Variants in BRIP1 observed in about 807,000 individuals in gnomAD.
The protein encoded by BRIP1 is Fanconi anemia group J protein.
A neutral mutation model predicts 119.7 loss-of-function variants in BRIP1; 88 were observed. That is an observed-to-expected ratio of 0.74 (90% CI 0.62 to 0.88). BRIP1 has a LOEUF of 0.88. Ranked by LOEUF, BRIP1 falls within the 40% of genes least tolerant of loss-of-function variation. The pLI is 0.00. For synonymous variants in BRIP1, 443 were observed against 496.5 expected, an observed-to-expected ratio of 0.89 and a Z score of 1.43; for missense variants, 1,259 against 1,455.4, an observed-to-expected ratio of 0.87 and a Z score of 2.20.
chr17:61,862,743 T>G lies in BRIP1; in HGVS notation c.-31+541A>C, dbSNP rs1345790728. Among the ~76,000 whole-genome samples the G allele has an allele frequency of 6.6e-6, 1 of 152,186 alleles. No homozygotes were observed. The highest frequency in any genetic ancestry group is 1.5e-5 in the Non-Finnish European group (1 of 68,018). ...GTGGGAAAAAATTGTAAATTCAACCTGGGGACGAAGAGATGGTTAAAATAG... is the reference window on the plus strand; with the variant it reads ...GTGGGAAAAAATTGTAAATTCAACCGGGGGACGAAGAGATGGTTAAAATAG... On this transcript the variant is annotated intron_variant, in intron 1 of 19. Coordinates refer to ENST00000259008, the MANE Select transcript of BRIP1 (RefSeq NM_032043.3). This position sits in a 1 kb window ranked among gnomAD's most constrained non-coding sequence, Gnocchi z 5.3.
rs2077900018 is a variant in BRIP1 at position 61,796,381 on chromosome 17, G to A, written c.1341-2652C>T. 6.6e-6 allele frequency among the ~76,000 whole-genome samples: 1 copy of A among 152,116 alleles called. No individual in the cohort carries two copies. ...AATGTTTTCTGGTAGTAGTTTCATA[G>A]TTTGAGGTTGTAGATTTAAGTCTTT... On this transcript the variant is annotated intron_variant, in intron 9 of 19. Transcript: ENST00000259008. The surrounding 1 kb of genome is among the most constrained non-coding windows in gnomAD (Gnocchi z 4.8).
chr17:61,802,190 C>T lies in BRIP1; in HGVS notation c.919-716G>A, dbSNP rs964654595. On this transcript the variant is annotated intron_variant, in intron 7 of 19. Coordinates refer to ENST00000259008, the MANE Select transcript of BRIP1 (RefSeq NM_032043.3). This position sits in a 1 kb window ranked among gnomAD's most constrained non-coding sequence, Gnocchi z 6.0. The stretch of plus-strand genomic sequence containing the variant: ...CCAATATTAAAATAACAAGAACAAG[C>T]AAGGCACGATGACAGGTGTGAGCAC... 1.3e-5 allele frequency among the ~76,000 whole-genome samples: 2 copies of T among 152,048 alleles called. No individual in the cohort carries two copies. Among genetic ancestry groups the T allele is most frequent in the Non-Finnish European group, 2.9e-5 (2 of 68,002 alleles).
rs539958166 is a variant in BRIP1, at chr17:61,825,217, G to A, written c.628-16460C>T. On this transcript the variant is annotated intron_variant, in intron 6 of 19. Coordinates refer to ENST00000259008, the MANE Select transcript of BRIP1 (RefSeq NM_032043.3). The surrounding 1 kb of genome is among the most constrained non-coding windows in gnomAD (Gnocchi z 4.1). ...GGAGAATGGCGTGAACCTGGGAGGCGGAGCTTGCAGTGACCCAAGATTGTG... is the reference window on the plus strand; with the variant it reads ...GGAGAATGGCGTGAACCTGGGAGGCAGAGCTTGCAGTGACCCAAGATTGTG... Among the ~76,000 whole-genome samples, 5 of 151,918 alleles carry A rather than the reference G, an allele frequency of 3.3e-5. No homozygotes were observed. The highest frequency in any genetic ancestry group is 9.7e-5 in the African/African-American group (4 of 41,400).
Position 61,862,863 on chromosome 17 carries a change from C to T in BRIP1, c.-31+421G>A, listed in dbSNP as rs1193501395. On this transcript the variant is annotated intron_variant, in intron 1 of 19. Coordinates refer to ENST00000259008, the MANE Select transcript of BRIP1 (RefSeq NM_032043.3). This position sits in a 1 kb window ranked among gnomAD's most constrained non-coding sequence, Gnocchi z 5.3. ...ATTCTAGGGTATTTTCCAGCTCTAA[C>T]ATTTTGCGATTCTATCTGTAAAGCT... Among the ~76,000 whole-genome samples, 1 of 152,114 alleles carries T rather than the reference C, an allele frequency of 6.6e-6. No homozygotes were observed. The highest frequency in any genetic ancestry group is 6.5e-5 in the Admixed American group (1 of 15,268).
In BRIP1 at chr17:61,856,999, C is replaced by G. The variant is rs2145824444; in HGVS notation, c.379+59G>C. The stretch of plus-strand genomic sequence containing the variant: ...AACTTATATAAATTAGGGCTTATAA[C>G]AGTAATAATTAAGACTCTTATTACA... On this transcript the variant is annotated intron_variant, in intron 4 of 19. Coordinates refer to ENST00000259008, the MANE Select transcript of BRIP1 (RefSeq NM_032043.3). The surrounding 1 kb of genome is among the most constrained non-coding windows in gnomAD (Gnocchi z 5.1). 6.7e-7 allele frequency: 1 copy of G among 1,493,830 alleles called. No individual in the cohort carries two copies. Among genetic ancestry groups the G allele is most frequent in the South Asian group, 1.1e-5 (1 of 88,520 alleles). The allele number at this position is 1,493,830 out of a possible 1,614,324, so 92.5% of individuals were successfully genotyped here. A position where few individuals can be genotyped will look rare whatever the true frequency, so the allele number is the denominator to read the frequency against.
Position 61,683,161 on chromosome 17 carries a change from TAAC to T in BRIP1, c.*132_*134del, listed in dbSNP as rs2061292648. On this transcript the variant is annotated 3_prime_UTR_variant, in exon 20 of 20. Transcript: ENST00000259008. This position sits in a 1 kb window ranked among gnomAD's most constrained non-coding sequence, Gnocchi z 4.7. ...AAAAAACCCAAAAACTCAAGAATAA[TAAC>T]ATTTACATTTCTGAACATAAAATAG... 1 of 1,121,946 alleles carries T rather than the reference TAAC, an allele frequency of 8.9e-7. No homozygotes were observed. Among genetic ancestry groups the T allele is most frequent in the Non-Finnish European group, 1.3e-6 (1 of 794,584 alleles). The allele number at this position is 1,121,946 out of a possible 1,614,324, so 69.5% of individuals were successfully genotyped here.
intron 6 of BRIP1, among the ~76,000 whole-genome samples, chr17:61,839,949 C>G (rs904709585): frequency 1.3e-5 from 2 of 152,074 alleles, no homozygotes; most frequent in Non-Finnish European, 2.9e-5. Flanking sequence ...AAGGAGAAAT[C>G]AATCAAAGCA....
At chr17:61,723,633 T>C (rs2062018287) in intron 16 of BRIP1, among the ~76,000 whole-genome samples, 1 of 152,192 alleles carries the variant, frequency 6.6e-6, no homozygotes, top group African/African-American at 2.4e-5. Flanking sequence ...CAAGTGTGGT[T>C]TGGGAAGATG....
chr17:61,725,760 T>C lies in BRIP1; in HGVS notation c.2380-9697A>G, dbSNP rs1485372781. Among the ~76,000 whole-genome samples the C allele has an allele frequency of 6.6e-6, 1 of 152,052 alleles. No individual in the cohort carries two copies. The highest frequency in any genetic ancestry group is 1.5e-5 in the Non-Finnish European group (1 of 68,006). The stretch of plus-strand genomic sequence containing the variant: ...CTTCAGCCTCCTCAGTAGCTAGGAC[T>C]TACAGATACGTGCCCCAACACCAGG... On this transcript the variant is annotated intron_variant, in intron 16 of 19. Transcript: ENST00000259008. This position sits in a 1 kb window ranked among gnomAD's most constrained non-coding sequence, Gnocchi z 5.3.
In BRIP1 at chr17:61,845,737, G is replaced by A. The variant is rs1047864899; in HGVS notation, c.627+1364C>T. Among the ~76,000 whole-genome samples the A allele has an allele frequency of 3.9e-5, 6 of 152,206 alleles. No individual in the cohort carries two copies. Among genetic ancestry groups the A allele is most frequent in the Admixed American group, 3.9e-4 (6 of 15,294 alleles). The stretch of plus-strand genomic sequence containing the variant: ...ACTATCCTACAGGCGCTTCTCCCCA[G>A]GACATCCATCCTGCTTCTGTATGCA... On this transcript the variant is annotated intron_variant, in intron 6 of 19. Coordinates refer to ENST00000259008, the MANE Select transcript of BRIP1 (RefSeq NM_032043.3). This position sits in a 1 kb window ranked among gnomAD's most constrained non-coding sequence, Gnocchi z 4.2.
In BRIP1 at chr17:61,774,202, T is replaced by C. The variant is rs1050770979; in HGVS notation, c.2097+2199A>G. ...AACCAACCCAAATGTCCATCAATGATAGACTGGATTAAGAAAATGTGGCAC... is the reference window on the plus strand; with the variant it reads ...AACCAACCCAAATGTCCATCAATGACAGACTGGATTAAGAAAATGTGGCAC... On this transcript the variant is annotated intron_variant, in intron 14 of 19. Coordinates refer to ENST00000259008, the MANE Select transcript of BRIP1 (RefSeq NM_032043.3). The surrounding 1 kb of genome is among the most constrained non-coding windows in gnomAD (Gnocchi z 5.8). Among the ~76,000 whole-genome samples, 13 of 152,224 alleles carry C rather than the reference T, an allele frequency of 8.5e-5. No individual in the cohort carries two copies. Among genetic ancestry groups the C allele is most frequent in the African/African-American group, 2.9e-4 (12 of 41,526 alleles).
At chr17:61,697,327 ACT>A (rs1447800521) in intron 17 of BRIP1, among the ~76,000 whole-genome samples, 2 of 104,872 alleles carry the variant, frequency 1.9e-5, no homozygotes, top group African/African-American at 4.0e-5. Flanking sequence ...ACAGTGTGAG[ACT>A]CTGTCTCAAA....
chr17:61,763,661 A>ATTGT (rs1338365662), intron 14 of BRIP1, among the ~76,000 whole-genome samples: 1 of 152,128 alleles, frequency 6.6e-6, no homozygotes, highest in African/African-American at 2.4e-5. Context: ...CTTTTGAAAG[A>ATTGT]CTTTTCAAAA....
Position 61,743,126 on chromosome 17 carries a change from G to C in BRIP1, c.2266C>G (p.Leu756Val), listed in dbSNP as rs2077009187. 1 of 1,613,926 alleles carries C rather than the reference G, an allele frequency of 6.2e-7. No individual in the cohort carries two copies. The highest frequency in any genetic ancestry group is 1.1e-5 in the South Asian group (1 of 91,078). ...IKYKGEKDGA[L>V]LVAVCRGKVS... Reference sequence around the variant, plus strand: ...TTACCACGACAAACTGCTACCAGGAGAGCTCCATCTTAAACAACAGAAAAA... The same window carrying C: ...TTACCACGACAAACTGCTACCAGGACAGCTCCATCTTAAACAACAGAAAAA... The change falls in exon 16 of 20, where the codon CTC becomes GTC. Residue 756 changes from leucine (L) to valine (V), a missense_variant. Around this residue, in one of 3 missense-constraint regions of BRIP1, gnomAD observed 753 missense variants for 891.8 expected, o/e 0.84. Coordinates refer to ENST00000259008, the MANE Select transcript of BRIP1 (RefSeq NM_032043.3). This position sits in a 1 kb window ranked among gnomAD's most constrained non-coding sequence, Gnocchi z 4.3.
Position 61,729,839 on chromosome 17 carries a change from T to C in BRIP1, c.2379+13174A>G, listed in dbSNP as rs2076820410. On this transcript the variant is annotated intron_variant, in intron 16 of 19. Coordinates refer to ENST00000259008, the MANE Select transcript of BRIP1 (RefSeq NM_032043.3). This position sits in a 1 kb window ranked among gnomAD's most constrained non-coding sequence, Gnocchi z 5.6. Reference sequence around the variant, plus strand: ...CAATGTCTAGAGATATTTTGGGTTATCACAACTGGTGGCAGGGTGACCGTG... The same window carrying C: ...CAATGTCTAGAGATATTTTGGGTTACCACAACTGGTGGCAGGGTGACCGTG... Among the ~76,000 whole-genome samples the C allele has an allele frequency of 6.6e-6, 1 of 152,036 alleles. No homozygotes were observed. Among genetic ancestry groups the C allele is most frequent in the Admixed American group, 6.6e-5 (1 of 15,250 alleles).
rs899380523 is a variant in BRIP1, at chr17:61,770,629, A to T, written c.2097+5772T>A. On this transcript the variant is annotated intron_variant, in intron 14 of 19. Transcript: ENST00000259008. The surrounding 1 kb of genome is among the most constrained non-coding windows in gnomAD (Gnocchi z 4.7). ...ATAATGACACAAAGAAGGTAGGATT[A>T]AAAAAACAGCTACATAGGATTAAAG... 1.2e-4 allele frequency among the ~76,000 whole-genome samples: 18 copies of T among 152,294 alleles called. No individual in the cohort carries two copies. The highest frequency in any genetic ancestry group is 1.9e-4 in the Non-Finnish European group (13 of 68,036).
intron 10 of BRIP1, among the ~76,000 whole-genome samples, chr17:61,788,153 TAAGATA>T (rs1281937429): frequency 2.6e-5 from 4 of 152,128 alleles, no homozygotes; most frequent in African/African-American, 9.7e-5. Context: ...AAGACAATTA[TAAGATA>T]AATATATAAA....
In BRIP1 at chr17:61,769,906, T is replaced by C. The variant is rs2077423173; in HGVS notation, c.2097+6495A>G. ...TGAGAAACTCCTAGGGGCTGCAGTCTTGCCAGGGGGCCCACAATTTTTAAG... is the reference window on the plus strand; with the variant it reads ...TGAGAAACTCCTAGGGGCTGCAGTCCTGCCAGGGGGCCCACAATTTTTAAG... On this transcript the variant is annotated intron_variant, in intron 14 of 19. Transcript: ENST00000259008. This position sits in a 1 kb window ranked among gnomAD's most constrained non-coding sequence, Gnocchi z 4.9. Among the ~76,000 whole-genome samples the C allele has an allele frequency of 6.6e-6, 1 of 152,222 alleles. No homozygotes were observed. Among genetic ancestry groups the C allele is most frequent in the Non-Finnish European group, 1.5e-5 (1 of 68,036 alleles).
In BRIP1 at chr17:61,803,217, C is replaced by T. The variant is rs1424991366; in HGVS notation, c.919-1743G>A. Among the ~76,000 whole-genome samples the T allele has an allele frequency of 6.6e-6, 1 of 152,044 alleles. No individual in the cohort carries two copies. Among genetic ancestry groups the T allele is most frequent in the Non-Finnish European group, 1.5e-5 (1 of 68,020 alleles). On this transcript the variant is annotated intron_variant, in intron 7 of 19. Transcript: ENST00000259008. This position sits in a 1 kb window ranked among gnomAD's most constrained non-coding sequence, Gnocchi z 4.3. ...TCAAGCAATTCTTGTGCCTCAGCCA[C>T]CAAGTAGCTGGAACCACAAGTGCAT...
Sources: allele counts gnomAD v4.1 joint callset (sites outside exome capture counted in the v4.1 genomes callset), GRCh38; gene constraint gnomAD v4.1.1; regional missense constraint gnomAD v4.1.1; non-coding constraint Gnocchi (gnomAD v3.1); transcripts MANE v1.5; gene names NCBI Gene and HGNC (gene_info 2026-07-23, HGNC 2026-07-21).